KLF12: variants seen among roughly 807,000 people sequenced by gnomAD.
The protein encoded by KLF12 is Krueppel-like factor 12.
In KLF12, 9 loss-of-function variants were observed where a neutral mutation model predicts 37.8. The ratio of observed to expected loss-of-function variants is 0.24; its 90% CI spans 0.14 to 0.42. KLF12 has a LOEUF of 0.42. Among genes scored for constraint, KLF12 ranks in the 10% least tolerant of loss-of-function variants. KLF12 has a pLI of 1.00. For synonymous variants in KLF12, 208 were observed against 202.1 expected (o/e 1.03, Z -0.25); for missense variants, 411 against 516.0 (o/e 0.80, Z 1.97).
At chr13:74,277,637 C>T in the KLF12 span, among the ~76,000 whole-genome samples, 1 of 152,128 alleles carries the variant, frequency 6.6e-6, no homozygotes, top group Non-Finnish European at 1.5e-5. Flanking sequence ...TAGATTATTT[C>T]CCAGAGCCTC....
intron 3 of KLF12, among the ~76,000 whole-genome samples, chr13:73,877,939 C>T (rs991644374): frequency 5.3e-5 from 8 of 152,108 alleles, no homozygotes; most frequent in African/African-American, 1.7e-4. Context: ...TGGCCTGCCA[C>T]GACTCTATCC....
chr13:73,859,170 ACTTCAGT>A (rs1405370095), intron 3 of KLF12, among the ~76,000 whole-genome samples: 1 of 152,138 alleles, frequency 6.6e-6, no homozygotes, highest in Non-Finnish European at 1.5e-5. Flanking sequence ...GTGCCAATGC[ACTTCAGT>A]CTTCAGCAGC....
At chr13:73,807,761 T>A (rs1341413078) in intron 5 of KLF12, among the ~76,000 whole-genome samples, 1 of 152,142 alleles carries the variant, frequency 6.6e-6, no homozygotes, top group African/African-American at 2.4e-5. Flanking sequence ...AACAAGCATA[T>A]CTCCTTAGCA....
intron 1 of KLF12, among the ~76,000 whole-genome samples, chr13:74,013,356 G>C (rs1440273467): frequency 6.6e-6 from 1 of 152,236 alleles, no homozygotes; most frequent in Admixed American, 6.5e-5. Context: ...TGGCTAGCCA[G>C]ACAGAGTAAG....
chr13:73,729,482 T>A (rs1876905939), intron 6 of KLF12, among the ~76,000 whole-genome samples: 1 of 152,158 alleles, frequency 6.6e-6, no homozygotes, highest in Admixed American at 6.5e-5. Flanking sequence ...TTACTGGCAA[T>A]CTTACAGCTG....
the KLF12 span, among the ~76,000 whole-genome samples, chr13:74,143,678 G>A: frequency 2.0e-5 from 3 of 152,086 alleles, no homozygotes; most frequent in African/African-American, 7.2e-5. Context: ...ATCTAATACA[G>A]ATGATGCCCA....
intron 7 of KLF12, among the ~76,000 whole-genome samples, chr13:73,702,243 C>T (rs1874611795): frequency 2.6e-5 from 4 of 152,150 alleles, no homozygotes; most frequent in South Asian, 2.1e-4. Context: ...ATTATGAAAA[C>T]GGCTGTCTCT....
chr13:74,290,931 T>C, the KLF12 span, among the ~76,000 whole-genome samples: 2 of 152,342 alleles, frequency 1.3e-5, no homozygotes, highest in South Asian at 2.1e-4. Context: ...TGGACAGAAC[T>C]TTCACTGAAG....
In KLF12 at chr13:73,825,716, G is replaced by GAA. The variant is rs139497346; in HGVS notation, c.671-12431_671-12430dup. ...ATATAAGGAAAACAGATTTTCTACTGAAAAAAAACAGAGAAATTCATACCG... is the reference window on the plus strand; with the variant it reads ...ATATAAGGAAAACAGATTTTCTACTGAAAAAAAAAACAGAGAAATTCATACCG... On this transcript the variant is annotated intron_variant, in intron 4 of 7. Coordinates refer to ENST00000377669, the MANE Select transcript of KLF12 (RefSeq NM_007249.5). Among the ~76,000 whole-genome samples, 12 of 151,720 alleles carry GAA rather than the reference G, an allele frequency of 7.9e-5. No homozygotes were observed. In the East Asian group the frequency reaches 1.2e-3, roughly 15 times the overall value.
intron 1 of KLF12, among the ~76,000 whole-genome samples, chr13:74,123,332 C>G (rs1336245786): frequency 6.6e-6 from 1 of 152,148 alleles, no homozygotes; most frequent in South Asian, 2.1e-4. Context: ...TAAAAGTACT[C>G]CAAAGAGACT....
At chr13:74,288,520 A>T in the KLF12 span, among the ~76,000 whole-genome samples, 6 of 152,212 alleles carry the variant, frequency 3.9e-5, no homozygotes, top group East Asian at 1.2e-3. Context: ...GGGGTGCTCC[A>T]GGTCAAATCA....
chr13:73,918,636 A>G (rs1373291586), intron 3 of KLF12, among the ~76,000 whole-genome samples: 2 of 152,214 alleles, frequency 1.3e-5, no homozygotes, highest in Non-Finnish European at 2.9e-5. Flanking sequence ...CAATACAAAG[A>G]CAACATTTAG....
the KLF12 span, among the ~76,000 whole-genome samples, chr13:74,177,095 C>T: frequency 6.6e-6 from 1 of 152,098 alleles, no homozygotes. Flanking sequence ...TACCGGAAAC[C>T]TAATTTATCT....
chr13:73,825,256 T>C (rs1452436146), intron 4 of KLF12, among the ~76,000 whole-genome samples: 3 of 152,144 alleles, frequency 2.0e-5, no homozygotes, highest in Non-Finnish European at 4.4e-5. Context: ...GTATGGCCAC[T>C]GCATTGGAGT....
chr13:73,940,039 G>C (rs150316390), intron 3 of KLF12, among the ~76,000 whole-genome samples: 2 of 152,148 alleles, frequency 1.3e-5, no homozygotes, highest in African/African-American at 2.4e-5. Context: ...TGTCATTCCA[G>C]CTGGTGAACT....
At chr13:73,908,840 C>A (rs1318912560) in intron 3 of KLF12, among the ~76,000 whole-genome samples, 4 of 152,168 alleles carry the variant, frequency 2.6e-5, no homozygotes, top group Non-Finnish European at 4.4e-5. Context: ...TCTATGCTAT[C>A]TGCCCCACTC....
chr13:74,287,566 A>G, the KLF12 span, among the ~76,000 whole-genome samples: 1 of 152,208 alleles, frequency 6.6e-6, no homozygotes, highest in Non-Finnish European at 1.5e-5. Context: ...CATAGAGTTT[A>G]ATTGATGCAA....
At chr13:73,925,614 G>A (rs891052896) in intron 3 of KLF12, among the ~76,000 whole-genome samples, 6 of 152,156 alleles carry the variant, frequency 3.9e-5, no homozygotes, top group Non-Finnish European at 8.8e-5. Context: ...CCGTGGATAA[G>A]TAGTCATTTT....
chr13:74,229,832 G>A, the KLF12 span, among the ~76,000 whole-genome samples: 1 of 152,054 alleles, frequency 6.6e-6, no homozygotes, highest in Non-Finnish European at 1.5e-5. Context: ...TTTCAGTCCC[G>A]TCTCCCCAGT....
Sources: gnomAD v4.1 joint callset for allele counts (sites outside exome capture counted in the v4.1 genomes callset) on GRCh38, gnomAD v4.1.1 for gene constraint, MANE v1.5 for transcripts, NCBI Gene and HGNC (gene_info 2026-07-23, HGNC 2026-07-21) for gene names.